The following ATIC variants were observed in gnomAD, a reference collection of about 807,000 sequenced individuals.
ATIC encodes 5-aminoimidazole-4-carboxamide ribonucleotide formyltransferase/IMP cyclohydrolase.
ATIC carries 64 observed loss-of-function variants against 72.5 expected under a neutral mutation model. The ratio of observed to expected loss-of-function variants is 0.88; its 90% confidence interval spans 0.72 to 1.09. The LOEUF is 1.09. ATIC is among the 50% of genes least tolerant of loss of function. The probability of loss-of-function intolerance (pLI) is 0.00; values close to 1 mark genes in which losing one functional copy is unlikely to be tolerated. For synonymous variants in ATIC, 281 were observed against 267.1 expected (o/e 1.05, Z -0.51); for missense variants, 787 against 732.4 (o/e 1.07, Z -0.86).
Position 215,312,573 on chromosome 2 carries a change from TC to T in ATIC, c.96del (p.Ala33LeufsTer22). ...RNLTALGLNL[V>X]ASGGTAKALR... The stretch of plus-strand genomic sequence containing the variant: ...CTGACCGCTCTTGGTTTGAATCTGG[TC>T]GCTTCCGGAGGGACTGCAAAAGCTC... On this transcript the variant is annotated frameshift_variant, in exon 2 of 16. Transcript: ENST00000236959. LOFTEE classifies it high-confidence loss of function. The T allele has an allele frequency of 6.2e-7, 1 of 1,614,220 alleles. No homozygotes were observed. The highest frequency in any genetic ancestry group is 8.5e-7 in the Non-Finnish European group (1 of 1,180,034).
intron 14 of ATIC, 158 bp downstream of exon 14, chr2:215,347,099 C>T (rs966224565): frequency 1.4e-5 from 14 of 976,868 alleles, no homozygotes; most frequent in African/African-American, 3.2e-5. Context: ...ACACATTTCT[C>T]ATGTTCTTCT....
intron 13 of ATIC, among the ~76,000 whole-genome samples, chr2:215,346,537 CAT>C (rs1021573452): frequency 2.0e-5 from 3 of 151,262 alleles, no homozygotes; most frequent in Non-Finnish European, 2.9e-5. Flanking sequence ...TATTAATAGT[CAT>C]ATGTCACATA....
chr2:215,338,463 A>G (rs951315865), intron 11 of ATIC, among the ~76,000 whole-genome samples: 1 of 152,190 alleles, frequency 6.6e-6, no homozygotes, highest in Non-Finnish European at 1.5e-5. Flanking sequence ...CACTCACTGG[A>G]ATCATTGTTT....
intron 10 of ATIC, 37 bp from the exon 11 acceptor site, chr2:215,335,998 T>C (rs2052949782): frequency 6.6e-7 from 1 of 1,509,098 alleles, no homozygotes; most frequent in African/African-American, 1.4e-5. Context: ...GTTCTCTGAT[T>C]TTTAAAAATA....
chr2:215,314,001 C>G (rs2052683000), intron 2 of ATIC, among the ~76,000 whole-genome samples: 1 of 151,908 alleles, frequency 6.6e-6, no homozygotes, highest in South Asian at 2.1e-4. Flanking sequence ...TTTTTTTTCC[C>G]CACCAAACTT....
chr2:215,314,386 A>G (rs969660855), intron 2 of ATIC, among the ~76,000 whole-genome samples: 1 of 152,238 alleles, frequency 6.6e-6, no homozygotes, highest in Non-Finnish European at 1.5e-5. Flanking sequence ...TATAGTCCTT[A>G]TAACAACTTT....
intron 12 of ATIC, 86 bp from the exon 13 acceptor site, chr2:215,344,693 A>G: frequency 7.4e-7 from 1 of 1,350,384 alleles, no homozygotes; most frequent in South Asian, 1.2e-5. Context: ...CAAAAAAACC[A>G]CAAAAAATAA....
chr2:215,329,986 T>C (rs2052872884), intron 7 of ATIC, among the ~76,000 whole-genome samples: 1 of 152,156 alleles, frequency 6.6e-6, no homozygotes, highest in Non-Finnish European at 1.5e-5. Context: ...AGTCTGAAAC[T>C]CCCAACCTCA....
At chr2:215,333,250 T>G in intron 8 of ATIC, 100 bp from the exon 9 acceptor site, 1 of 942,462 alleles carries the variant, frequency 1.1e-6, no homozygotes, top group Non-Finnish European at 1.7e-6. Context: ...CTAGAAAATG[T>G]GCTGCGTAGA....
At chr2:215,323,522 A>G (rs1453412691) in intron 4 of ATIC, among the ~76,000 whole-genome samples, 3 of 152,172 alleles carry the variant, frequency 2.0e-5, no homozygotes, top group Admixed American at 6.5e-5. Flanking sequence ...GCTAATGTAT[A>G]TTTTAATACA....
Position 215,346,804 on chromosome 2 carries a change from C to T in ATIC, c.1366C>T (p.Arg456Cys), listed in dbSNP as rs534692502. 74 of 1,614,032 alleles carry T rather than the reference C, an allele frequency of 4.6e-5. No homozygotes were observed. The highest frequency in any genetic ancestry group is 5.8e-5 in the Non-Finnish European group (69 of 1,180,040). ...AGQQSRIHCT[R>C]LAGDKANYWW... Reference sequence around the variant, plus strand: ...ACAGCAGTCTCGTATACACTGCACTCGCCTTGCAGGAGATAAGGCAAACTA... The same window carrying T: ...ACAGCAGTCTCGTATACACTGCACTTGCCTTGCAGGAGATAAGGCAAACTA... The change falls in exon 14 of 16, where the codon CGC (arginine) becomes TGC (cysteine). Residue 456 changes from arginine (R) to cysteine (C), a missense_variant. Coordinates refer to ENST00000236959, the MANE Select transcript of ATIC (RefSeq NM_004044.7).
the ATIC span, among the ~76,000 whole-genome samples, chr2:215,358,133 T>C: frequency 6.6e-6 from 1 of 152,230 alleles, no homozygotes; most frequent in Admixed American, 6.5e-5. Context: ...AAGGGTGCCC[T>C]ACAGGTGTAT....
At chr2:215,343,480 G>A (rs368326611) in intron 12 of ATIC, among the ~76,000 whole-genome samples, 13 of 152,170 alleles carry the variant, frequency 8.5e-5, no homozygotes, top group African/African-American at 2.6e-4. Context: ...GGGATTACAG[G>A]AATGCGCCAC....
the ATIC span, chr2:215,361,895 A>C: frequency 6.3e-7 from 1 of 1,585,206 alleles, no homozygotes; most frequent in Non-Finnish European, 8.6e-7. Flanking sequence ...CACTTGGTTC[A>C]TTCTGAAGAA....
intron 7 of ATIC, among the ~76,000 whole-genome samples, chr2:215,329,291 C>T (rs1333197864): frequency 6.6e-6 from 1 of 152,172 alleles, no homozygotes. Flanking sequence ...TTTTCATTTT[C>T]CAAAGCATTT....
chr2:215,349,404 C>CA lies in ATIC; in HGVS notation c.1660-132_1660-131insA, dbSNP rs2053108084. On this transcript the variant is annotated intron_variant, in intron 15 of 15. Transcript: ENST00000236959. ...ACTTCTCCATTGGGTGGATGGAGAA[C>CA]CCAAATCCTGTTGTTATTTTGCCTT... The CA allele has an allele frequency of 2.5e-6, 4 of 1,569,716 alleles. No individual in the cohort carries two copies. In the East Asian group the frequency reaches 9.1e-5, roughly 36 times the overall value.
rs139082550 is a variant in ATIC, at chr2:215,319,826, C to T, written c.290+95C>T. ...CCTGTGTTTTCTTACTCACTATAAA[C>T]CTTTACTGCGTACCTTCTGTGTGAC... On this transcript the variant is annotated intron_variant, in intron 4 of 15. Coordinates refer to ENST00000236959, the MANE Select transcript of ATIC (RefSeq NM_004044.7). The T allele has an allele frequency of 9.5e-3, 9,531 of 1,005,714 alleles. 87 individuals are homozygous for T. Among genetic ancestry groups the T allele is most frequent in the South Asian group, 0.019 (1,400 of 74,414 alleles). The allele number at this position is 1,005,714 out of a possible 1,614,324, so 62.3% of individuals were successfully genotyped here.
intron 11 of ATIC, among the ~76,000 whole-genome samples, chr2:215,336,780 G>A (rs1447433910): frequency 1.3e-5 from 2 of 152,160 alleles, no homozygotes; most frequent in Non-Finnish European, 2.9e-5. Context: ...TCCTGAGAGT[G>A]AAATTAAGGC....
rs2052906506 is a variant in ATIC, at chr2:215,332,479, T to G, written c.786T>G (p.Ala262=). 1 of 1,614,188 alleles carries G rather than the reference T, an allele frequency of 6.2e-7. No homozygotes were observed. Among genetic ancestry groups the G allele is most frequent in the East Asian group, 2.2e-5 (1 of 44,878 alleles). The change falls in exon 8 of 16, where the codon GCT becomes GCG. Residue 262 remains alanine (A), a synonymous_variant. Transcript: ENST00000236959. The part of the protein sequence containing the change: ...ELKEALGIPA[A]ASFKHVSPAG... ...AGGAGGCTTTAGGTATTCCAGCCGC[T>G]GCCTCTTTCAAACATGTCAGCCCAG...
Sources: allele counts gnomAD v4.1 joint callset (sites outside exome capture counted in the v4.1 genomes callset), GRCh38; gene constraint gnomAD v4.1.1; transcripts MANE v1.5; gene names NCBI Gene and HGNC (gene_info 2026-07-23, HGNC 2026-07-21).